Variants in ATRN observed in about 807,000 individuals in gnomAD.
ATRN encodes attractin-2.
ATRN carries 54 observed loss-of-function variants against 178.7 expected under a neutral mutation model. That is an observed-to-expected ratio of 0.30 (90% CI 0.24 to 0.38). The LOEUF (loss-of-function observed/expected upper bound fraction) is 0.38, where lower values mean the gene tolerates loss of function less well. Ranked by LOEUF, ATRN falls within the 10% of genes least tolerant of loss-of-function variation. The pLI, the probability that ATRN is intolerant of heterozygous loss-of-function variation, is 1.00. For synonymous variants in ATRN, 636 were observed against 663.0 expected (o/e 0.96, Z 0.63); for missense variants, 1,443 against 1,815.1 (o/e 0.79, Z 3.73).
chr20:3,556,968 G>A (rs887082953), intron 6 of ATRN, among the ~76,000 whole-genome samples: 2 of 152,092 alleles, frequency 1.3e-5, no homozygotes, highest in Admixed American at 1.3e-4. Flanking sequence ...GGCACTCTCC[G>A]TGCCCTTTAA....
chr20:3,540,446 T>G (rs2085602361), intron 3 of ATRN, 111 bp downstream of exon 3: 1 of 691,522 alleles, frequency 1.4e-6, no homozygotes. Context: ...ACACATTTAT[T>G]TAATGGAAAG....
At chr20:3,523,202 A>T (rs2085319512) in intron 1 of ATRN, among the ~76,000 whole-genome samples, 1 of 152,020 alleles carries the variant, frequency 6.6e-6, no homozygotes, top group Non-Finnish European at 1.5e-5. Context: ...TAGAATAACC[A>T]GTTTAGAGAA....
At chr20:3,483,684 G>C (rs967465509) in intron 1 of ATRN, among the ~76,000 whole-genome samples, 2 of 152,164 alleles carry the variant, frequency 1.3e-5, no homozygotes, top group Non-Finnish European at 2.9e-5. Flanking sequence ...TTGCATACAT[G>C]TGTGATTTTT....
chr20:3,549,560 A>G (rs781276657), intron 6 of ATRN, among the ~76,000 whole-genome samples: 5 of 152,188 alleles, frequency 3.3e-5, no homozygotes, highest in Non-Finnish European at 7.3e-5. Flanking sequence ...CCTCTTTTCA[A>G]ATACTGTCTC....
In ATRN at chr20:3,596,411, C is replaced by G; in HGVS notation, c.3451C>G (p.Leu1151Val). ...AGAAAATCGATACCAAGGAAACCCT[C>G]TCAGAGGAACATGTTATTGTAAGTG... ...EVENRYQGNP[L>V]RGTCYYTLLI... Residue 1151 changes from leucine (L) to valine (V), a missense_variant, in exon 21 of 29, where the codon CTC becomes GTC. Transcript: ENST00000262919. The G allele has an allele frequency of 1.2e-6, 2 of 1,613,700 alleles. No homozygotes were observed. Among genetic ancestry groups the G allele is most frequent in the Non-Finnish European group, 1.7e-6 (2 of 1,179,636 alleles).
chr20:3,559,393 G>A lies in ATRN; in HGVS notation c.1113G>A (p.Ala371=). Residue 371 remains alanine (A), a splice_region_variant and synonymous_variant, in exon 7 of 29, where the codon GCG becomes GCA. Transcript: ENST00000262919. ...AAAATATGATCTGTTTGTTTTGTAG[G>A]TATGACCTTGCTTCTAGGGAGTGGC... ...FNHSDYNMVL[A]YDLASREWLP... The A allele has an allele frequency of 6.2e-7, 1 of 1,607,850 alleles. No individual in the cohort carries two copies. Among genetic ancestry groups the A allele is most frequent in the Non-Finnish European group, 8.5e-7 (1 of 1,174,328 alleles).
intron 2 of ATRN, among the ~76,000 whole-genome samples, chr20:3,539,720 A>G (rs540631103): frequency 3.3e-5 from 5 of 152,182 alleles, no homozygotes; most frequent in East Asian, 1.9e-4. Context: ...GCTTTCTTCA[A>G]TACAGCTTAG....
chr20:3,646,538 G>A (rs766139264), intron 28 of ATRN, among the ~76,000 whole-genome samples, 185 bp from the exon 29 acceptor site: 3 of 152,208 alleles, frequency 2.0e-5, no homozygotes, highest in Non-Finnish European at 4.4e-5. Context: ...GAAGGCGGAG[G>A]GAGGGTCAGG....
intron 1 of ATRN, among the ~76,000 whole-genome samples, chr20:3,509,462 T>C (rs996738025): frequency 1.3e-5 from 2 of 151,992 alleles, no homozygotes; most frequent in Non-Finnish European, 2.9e-5. Flanking sequence ...CCTTATGTTA[T>C]ATAAAGTGAA....
At chr20:3,524,393 A>G (rs1297208473) in intron 1 of ATRN, among the ~76,000 whole-genome samples, 1 of 152,224 alleles carries the variant, frequency 6.6e-6, no homozygotes, top group African/African-American at 2.4e-5. Context: ...CACCCAATAC[A>G]GGAGCACCCA....
chr20:3,524,162 CA>C (rs2085332311), intron 1 of ATRN, among the ~76,000 whole-genome samples: 1 of 150,542 alleles, frequency 6.6e-6, no homozygotes, highest in African/African-American at 2.5e-5. Context: ...TTAGGAGACC[CA>C]ACTCATGTGC....
chr20:3,566,310 A>C (rs1396227738), intron 11 of ATRN, among the ~76,000 whole-genome samples: 1 of 152,212 alleles, frequency 6.6e-6, no homozygotes, highest in African/African-American at 2.4e-5. Flanking sequence ...TCTTCAAAAA[A>C]TCGGCCCTTG....
At chr20:3,577,061 C>T in intron 14 of ATRN, 64 bp downstream of exon 14, 3 of 1,578,466 alleles carry the variant, frequency 1.9e-6, no homozygotes, top group Non-Finnish European at 2.6e-6. Context: ...TCCCCCAACA[C>T]TGTGCAGCCT....
chr20:3,619,318 A>G (rs988116102), intron 24 of ATRN, among the ~76,000 whole-genome samples: 1 of 152,270 alleles, frequency 6.6e-6, no homozygotes, highest in East Asian at 1.9e-4. Flanking sequence ...TGAGTGCTAC[A>G]TAAAGTGTAA....
At chr20:3,612,015 C>A (rs1035600937) in intron 24 of ATRN, among the ~76,000 whole-genome samples, 1 of 152,138 alleles carries the variant, frequency 6.6e-6, no homozygotes, top group Non-Finnish European at 1.5e-5. Flanking sequence ...AAATGAAAAC[C>A]AGTGTTCTCA....
intron 3 of ATRN, among the ~76,000 whole-genome samples, chr20:3,540,775 C>CGTGT (rs144411631): frequency 6.6e-6 from 1 of 150,990 alleles, no homozygotes; most frequent in African/African-American, 2.4e-5. Flanking sequence ...TAATTGTGTG[C>CGTGT]GTGTGTGTGT....
At chr20:3,644,897 G>A (rs1364590249) in intron 28 of ATRN, among the ~76,000 whole-genome samples, 2 of 152,120 alleles carry the variant, frequency 1.3e-5, no homozygotes, top group Non-Finnish European at 2.9e-5. Context: ...CAATTTAGTT[G>A]AAATGATTGT....
chr20:3,625,160 A>G (rs1301597401), intron 25 of ATRN, among the ~76,000 whole-genome samples: 1 of 152,088 alleles, frequency 6.6e-6, no homozygotes, highest in East Asian at 1.9e-4. Flanking sequence ...ACGTCCCCCA[A>G]TTTAAATTGT....
chr20:3,586,109 C>T (rs548067345), intron 18 of ATRN, among the ~76,000 whole-genome samples: 27 of 152,308 alleles, frequency 1.8e-4, no homozygotes, highest in African/African-American at 6.5e-4. Context: ...AATGCTTATG[C>T]TTATAGCATC....
Sources: gnomAD v4.1 joint callset for allele counts (sites outside exome capture counted in the v4.1 genomes callset) on GRCh38, gnomAD v4.1.1 for gene constraint, MANE v1.5 for transcripts, NCBI Gene and HGNC (gene_info 2026-07-23, HGNC 2026-07-21) for gene names.